The following SETBP1 variants were observed in gnomAD, a reference collection of about 807,000 sequenced individuals.
SETBP1 encodes the protein SET-binding protein.
Under a neutral mutation model 101.0 loss-of-function variants are expected in SETBP1, and 9 were observed. That is an observed-to-expected ratio of 0.09 (90% CI 0.05 to 0.16). The LOEUF is 0.16. Ranked by LOEUF, SETBP1 falls within the 10% of genes least tolerant of loss-of-function variation. SETBP1 has a pLI of 1.00. For missense variants in SETBP1, 1,858 were observed against 2,033.8 expected (o/e 0.91, Z 1.66); for synonymous variants, 818 against 788.5 (o/e 1.04, Z -0.63).
chr18:44,960,000 C>T (rs555933809), intron 4 of SETBP1, among the ~76,000 whole-genome samples: 3 of 152,152 alleles, frequency 2.0e-5, no homozygotes, highest in Non-Finnish European at 4.4e-5. Flanking sequence ...CCACCTTCAC[C>T]TCCTGGGTTC....
chr18:44,919,936 T>G (rs1274263817), intron 3 of SETBP1, among the ~76,000 whole-genome samples: 2 of 152,198 alleles, frequency 1.3e-5, no homozygotes, highest in Non-Finnish European at 2.9e-5. Flanking sequence ...TTTTCCTATC[T>G]CCTTTCTCCC....
intron 5 of SETBP1, among the ~76,000 whole-genome samples, chr18:45,052,457 C>T (rs990729557): frequency 6.6e-6 from 1 of 152,152 alleles, no homozygotes; most frequent in Non-Finnish European, 1.5e-5. Flanking sequence ...TGGAACAATG[C>T]CTGGTATTGC....
chr18:44,896,099 C>A (rs1290213094), intron 3 of SETBP1, among the ~76,000 whole-genome samples: 1 of 152,116 alleles, frequency 6.6e-6, no homozygotes, highest in African/African-American at 2.4e-5. Flanking sequence ...ATCCTCTTAA[C>A]TTTGCCGGTT....
chr18:45,038,472 T>C lies in SETBP1; in HGVS notation c.4001-13T>C, dbSNP rs762064791. 2 of 1,613,748 alleles carry C rather than the reference T, an allele frequency of 1.2e-6. No homozygotes were observed. The highest frequency in any genetic ancestry group is 3.3e-5 in the Admixed American group (2 of 60,020). ...TTAAAGTGACTGAAAGCTTTGGGGT[T>C]GTTATTTTTTAGGGATGCCAAGTCC... On this transcript the variant is annotated splice_polypyrimidine_tract_variant and intron_variant, in intron 4 of 5. Coordinates refer to ENST00000649279, the MANE Select transcript of SETBP1 (RefSeq NM_015559.3).
At chr18:44,922,097 G>A (rs1368386463) in intron 3 of SETBP1, among the ~76,000 whole-genome samples, 1 of 152,148 alleles carries the variant, frequency 6.6e-6, no homozygotes, top group African/African-American at 2.4e-5. Flanking sequence ...TGGTTACTTT[G>A]CATGTAAAAA....
At chr18:44,726,662 A>G (rs934048610) in intron 2 of SETBP1, among the ~76,000 whole-genome samples, 11 of 152,224 alleles carry the variant, frequency 7.2e-5, no homozygotes, top group African/African-American at 2.7e-4. Context: ...TTCAAATTTC[A>G]TCACGTGTTT....
chr18:44,834,793 A>G (rs374197314), intron 2 of SETBP1, among the ~76,000 whole-genome samples: 4 of 152,362 alleles, frequency 2.6e-5, no homozygotes, highest in East Asian at 3.9e-4. Flanking sequence ...AAATACAACC[A>G]GATACCTTTG....
At chr18:44,929,436 A>G (rs2070776515) in intron 3 of SETBP1, among the ~76,000 whole-genome samples, 1 of 152,102 alleles carries the variant, frequency 6.6e-6, no homozygotes, top group African/African-American at 2.4e-5. Flanking sequence ...TTGGTTCCAT[A>G]TGAACTTTAA....
chr18:44,946,618 A>G (rs1263328241), intron 3 of SETBP1, among the ~76,000 whole-genome samples: 1 of 152,208 alleles, frequency 6.6e-6, no homozygotes, highest in East Asian at 1.9e-4. Flanking sequence ...ATCAAATGAC[A>G]GATTAGTAGT....
chr18:45,056,541 G>A (rs574414798), intron 5 of SETBP1, among the ~76,000 whole-genome samples: 1 of 152,346 alleles, frequency 6.6e-6, no homozygotes, highest in African/African-American at 2.4e-5. Flanking sequence ...TCTTTCTGCA[G>A]CTCAGTAAAT....
intron 3 of SETBP1, among the ~76,000 whole-genome samples, chr18:44,895,880 G>A (rs1182372711): frequency 2.0e-5 from 3 of 151,854 alleles, no homozygotes; most frequent in Admixed American, 6.6e-5. Context: ...TATTAACATC[G>A]AGAGGCAAAT....
Position 45,020,275 on chromosome 18 carries a change from A to G in SETBP1, c.4001-18210A>G, listed in dbSNP as rs2145415953. The stretch of plus-strand genomic sequence containing the variant: ...CTCTGTCTTAAAAAAAAAAAAAAAA[A>G]AAAAAAAAAAAAAAAAAAAAGTGGC... On this transcript the variant is annotated intron_variant, in intron 4 of 5. Transcript: ENST00000649279. Among the ~76,000 whole-genome samples, 3 of 141,866 alleles carry G rather than the reference A, an allele frequency of 2.1e-5. No homozygotes were observed. The East Asian group carries it at 6.2e-4, about 29-fold the overall frequency. 93.1% of individuals were successfully genotyped at this position (141,866 alleles called of 152,430 possible).
At chr18:44,881,309 A>G (rs187807514) in intron 3 of SETBP1, among the ~76,000 whole-genome samples, 4 of 152,158 alleles carry the variant, frequency 2.6e-5, no homozygotes, top group East Asian at 1.9e-4. Flanking sequence ...TTTTTGGTTT[A>G]TTGGCATCTT....
chr18:44,956,474 T>C (rs1282463368), intron 4 of SETBP1, among the ~76,000 whole-genome samples: 2 of 152,066 alleles, frequency 1.3e-5, no homozygotes, highest in African/African-American at 2.4e-5. Flanking sequence ...TTCAGCTGGA[T>C]GGTTCTGAGG....
intron 3 of SETBP1, among the ~76,000 whole-genome samples, chr18:44,902,250 CTCTG>C (rs981073760): frequency 2.0e-5 from 3 of 152,190 alleles, no homozygotes; most frequent in African/African-American, 4.8e-5. Flanking sequence ...CTCTCTCTCT[CTCTG>C]TCTCTTACAA....
intron 2 of SETBP1, among the ~76,000 whole-genome samples, chr18:44,797,158 G>A (rs1242156172): frequency 6.6e-6 from 1 of 152,226 alleles, no homozygotes; most frequent in Non-Finnish European, 1.5e-5. Context: ...TGTAAAGAGA[G>A]AACTGTTCTT....
chr18:44,835,030 A>G (rs1413752299), intron 2 of SETBP1, among the ~76,000 whole-genome samples: 1 of 152,156 alleles, frequency 6.6e-6, no homozygotes, highest in Non-Finnish European at 1.5e-5. Context: ...TCTTTATCAG[A>G]GCAGATGGGC....
At chr18:44,837,876 G>A (rs1443253110) in intron 2 of SETBP1, among the ~76,000 whole-genome samples, 1 of 152,176 alleles carries the variant, frequency 6.6e-6, no homozygotes, top group African/African-American at 2.4e-5. Flanking sequence ...TTACAGTCGT[G>A]GGTGTATACA....
At chr18:45,033,657 T>C (rs1317555777) in intron 4 of SETBP1, among the ~76,000 whole-genome samples, 3 of 152,220 alleles carry the variant, frequency 2.0e-5, no homozygotes, top group Non-Finnish European at 4.4e-5. Flanking sequence ...AATTACAAAA[T>C]TAATTAAACT....
Sources: allele counts gnomAD v4.1 joint callset (sites outside exome capture counted in the v4.1 genomes callset), GRCh38; gene constraint gnomAD v4.1.1; transcripts MANE v1.5; gene names NCBI Gene and HGNC (gene_info 2026-07-23, HGNC 2026-07-21).